Variants in BRSK2 observed in about 807,000 individuals in gnomAD.
The protein encoded by BRSK2 is serine/threonine-protein kinase BRSK2.
In BRSK2, 19 loss-of-function variants were observed where a neutral mutation model predicts 83.3. The ratio of observed to expected loss-of-function variants is 0.23; its 90% CI spans 0.16 to 0.33. The LOEUF (loss-of-function observed/expected upper bound fraction) is 0.33. Among genes scored for constraint, BRSK2 ranks in the 10% least tolerant of loss-of-function variants. The pLI is 1.00. For synonymous variants in BRSK2, 519 were observed against 435.4 expected, an observed-to-expected ratio of 1.19 and a Z score of -2.39; for missense variants, 798 against 1,042.3, an observed-to-expected ratio of 0.77 and a Z score of 3.23.
chr11:1,400,749 G>A (rs548041192), intron 1 of BRSK2, among the ~76,000 whole-genome samples: 78 of 152,338 alleles, frequency 5.1e-4, no homozygotes, highest in African/African-American at 8.9e-4. Flanking sequence ...AGGACCTGCC[G>A]GCTCTGCCTG....
intron 1 of BRSK2, among the ~76,000 whole-genome samples, chr11:1,395,246 G>A (rs1032437361): frequency 2.6e-5 from 4 of 152,158 alleles, no homozygotes; most frequent in Admixed American, 2.6e-4. Flanking sequence ...TACAAGCTGA[G>A]GTCTCAGGAC....
At chr11:1,398,224 A>AG (rs1445479712) in intron 1 of BRSK2, among the ~76,000 whole-genome samples, 1 of 152,110 alleles carries the variant, frequency 6.6e-6, no homozygotes, top group African/African-American at 2.4e-5. Context: ...CTCCATGCTG[A>AG]GGGAAAGCCC....
In BRSK2 at chr11:1,459,111, C is replaced by T. The variant is rs376443341; in HGVS notation, c.1940-81C>T. ...ACTCCTGGCTCCACCCCCTCCCCATCGAGGCTGTGGGCGTCCAGCCAGAAG... is the reference window on the plus strand; with the variant it reads ...ACTCCTGGCTCCACCCCCTCCCCATTGAGGCTGTGGGCGTCCAGCCAGAAG... On this transcript the variant is annotated intron_variant, in intron 18 of 19. Coordinates refer to ENST00000528841, the MANE Select transcript of BRSK2 (RefSeq NM_001256627.2). 1.6e-4 allele frequency: 221 copies of T among 1,402,670 alleles called. 3 individuals are homozygous for T. The East Asian group carries it at 4.1e-3, about 26-fold the overall frequency. The allele number at this position is 1,402,670 out of a possible 1,614,324, so 86.9% of individuals were successfully genotyped here.
At chr11:1,437,149 G>A (rs1470344571) in intron 2 of BRSK2, among the ~76,000 whole-genome samples, 1 of 152,014 alleles carries the variant, frequency 6.6e-6, no homozygotes, top group Non-Finnish European at 1.5e-5. Context: ...GCTGGGGAGA[G>A]TCCCATGCTG....
In BRSK2 at chr11:1,454,230, C is replaced by A. The variant is rs549603424; in HGVS notation, c.1545-255C>A. 1.0e-4 allele frequency: 39 copies of A among 378,416 alleles called. No individual in the cohort carries two copies. Among genetic ancestry groups the A allele is most frequent in the Non-Finnish European group, 1.6e-4 (33 of 201,352 alleles). The allele number at this position is 378,416 out of a possible 1,614,324, so 23.4% of individuals were successfully genotyped here. A position where few individuals can be genotyped will look rare whatever the true frequency, so the allele number is the denominator to read the frequency against. On this transcript the variant is annotated intron_variant, in intron 15 of 19. Transcript: ENST00000528841. This position sits in a 1 kb window ranked among gnomAD's most constrained non-coding sequence, Gnocchi z 5.2. ...ACTTGGGAGTGGGTGGCATATGGGC[C>A]AGGGTCAGGGCGTTAGGGCTTGGAG...
chr11:1,402,539 C>T (rs1846550641), intron 1 of BRSK2, among the ~76,000 whole-genome samples: 1 of 152,312 alleles, frequency 6.6e-6, no homozygotes, highest in Non-Finnish European at 1.5e-5. Context: ...CACCCTTCTC[C>T]AGGGACTTGC....
In BRSK2 at chr11:1,438,283, G is replaced by A. The variant is rs1038119221; in HGVS notation, c.187-23G>A. The A allele has an allele frequency of 6.2e-6, 10 of 1,612,014 alleles. No homozygotes were observed. Among genetic ancestry groups the A allele is most frequent in the East Asian group, 4.5e-5 (2 of 44,866 alleles). ...CGTGCCCCAGCCCTGTGAGCGTGAT[G>A]TTCTCTGGCCTCTCCCATGCAGGTG... On this transcript the variant is annotated intron_variant, in intron 2 of 19. Coordinates refer to ENST00000528841, the MANE Select transcript of BRSK2 (RefSeq NM_001256627.2). The surrounding 1 kb of genome is among the most constrained non-coding windows in gnomAD (Gnocchi z 6.4).
Position 1,456,415 on chromosome 11 carries a change from G to A in BRSK2, c.1736G>A (p.Gly579Glu). Reference sequence around the variant, plus strand: ...CGGGCCGAGTACAAGGCCACGGGGGGGCCAGCCGTGTTCCAGAAGCCGGTC... The same window carrying A: ...CGGGCCGAGTACAAGGCCACGGGGGAGCCAGCCGTGTTCCAGAAGCCGGTC... ...SFRAEYKATG[G>E]PAVFQKPVKF... is the part of the protein sequence containing the mutation. The change falls in exon 17 of 20, where the codon GGG (glycine) becomes GAG (glutamate). Residue 579 changes from glycine (G) to glutamate (E), a missense_variant. Transcript: ENST00000528841. 6.2e-7 allele frequency: 1 copy of A among 1,600,582 alleles called. No individual in the cohort carries two copies. The highest frequency in any genetic ancestry group is 8.5e-7 in the Non-Finnish European group (1 of 1,174,406).
chr11:1,408,357 C>T (rs1050022102), intron 1 of BRSK2, among the ~76,000 whole-genome samples: 5 of 152,216 alleles, frequency 3.3e-5, no homozygotes, highest in African/African-American at 1.2e-4. Flanking sequence ...TCCAGGGTCC[C>T]AGGTCACCAT....
chr11:1,444,243 T>TGG (rs1472495813), intron 8 of BRSK2, among the ~76,000 whole-genome samples: 4 of 152,086 alleles, frequency 2.6e-5, no homozygotes, highest in African/African-American at 9.7e-5. Flanking sequence ...CCAGCAGCTG[T>TGG]GGGGGCTAGC....
chr11:1,446,071 GGCTGGGCTGGGCTGGGCTTA>G (rs1268201394), intron 12 of BRSK2, among the ~76,000 whole-genome samples, 164 bp downstream of exon 12: 55 of 144,172 alleles, frequency 3.8e-4, no homozygotes, highest in Middle Eastern at 6.9e-3. Flanking sequence ...GGCTGGGCTT[GGCTGGGCTGGGCTGGGCTTA>G]GCTGGGCTGG....
chr11:1,404,278 C>G (rs1021139299), intron 1 of BRSK2, among the ~76,000 whole-genome samples: 6 of 152,188 alleles, frequency 3.9e-5, no homozygotes, highest in Non-Finnish European at 8.8e-5. Context: ...GTGTTCCCCT[C>G]CTGTCTCTGG....
In BRSK2 at chr11:1,460,776, C is replaced by T. The variant is rs572502940; in HGVS notation, c.*53C>T. ...CACTGACAGCGGCTGCCTCGCCGCCCGCCGCCCGCCCTGCCCCGAGTGGAC... is the reference window on the plus strand; with the variant it reads ...CACTGACAGCGGCTGCCTCGCCGCCTGCCGCCCGCCCTGCCCCGAGTGGAC... On this transcript the variant is annotated 3_prime_UTR_variant, in exon 20 of 20. Transcript: ENST00000528841. 294 of 1,425,950 alleles carry T rather than the reference C, an allele frequency of 2.1e-4. No individual in the cohort carries two copies. In the East Asian group the frequency reaches 7.8e-3, roughly 38 times the overall value. 88.3% of individuals were successfully genotyped at this position (1,425,950 alleles called of 1,614,324 possible).
intron 12 of BRSK2, chr11:1,447,910 G>A (rs748492089): frequency 9.1e-6 from 14 of 1,539,110 alleles, no homozygotes; most frequent in Middle Eastern, 1.7e-4. Flanking sequence ...CCCCAGACAC[G>A]CTGTCCTGCC....
Position 1,450,599 on chromosome 11 carries a change from C to G in BRSK2, c.1300C>G (p.Pro434Ala), listed in dbSNP as rs1428295154. The G allele has an allele frequency of 2.5e-6, 4 of 1,580,818 alleles. No homozygotes were observed. The African/African-American group carries it at 4.1e-5, about 16-fold the overall frequency. Residue 434 changes from proline (P) to alanine (A), a missense_variant, in exon 14 of 20, where the codon CCC (proline) becomes GCC (alanine). This residue lies in a region of BRSK2 where 455 missense variants were observed against 455.2 expected (regional missense o/e 1.00). Coordinates refer to ENST00000528841, the MANE Select transcript of BRSK2 (RefSeq NM_001256627.2). ...PLSSPRVTPH[P>A]SPRGSPLPTP... Reference sequence around the variant, plus strand: ...CCCCACCATACAGGTGACCCCTCACCCCTCACCAAGGGGCAGTCCCCTCCC... The same window carrying G: ...CCCCACCATACAGGTGACCCCTCACGCCTCACCAAGGGGCAGTCCCCTCCC...
rs398015179 is a variant in BRSK2 at position 1,460,461 on chromosome 11, C to CTTTTTTTTTTTTT, written c.1988-34_1988-22dup. ...CTCTCCCCCTTTTTTTTCTTTTTTC[C>CTTTTTTTTTTTTT]TTTTTTTTTTTTTTTTTGTCTCTGT... On this transcript the variant is annotated intron_variant, in intron 19 of 19. Transcript: ENST00000528841. The CTTTTTTTTTTTTT allele has an allele frequency of 2.0e-5, 11 of 544,460 alleles. 1 individual carries two copies. Among genetic ancestry groups the CTTTTTTTTTTTTT allele is most frequent in the South Asian group, 8.3e-5 (2 of 24,134 alleles). 33.7% of individuals were successfully genotyped at this position (544,460 alleles called of 1,614,324 possible).
At chr11:1,434,239 G>A (rs993966880) in intron 1 of BRSK2, among the ~76,000 whole-genome samples, 7 of 152,226 alleles carry the variant, frequency 4.6e-5, no homozygotes, top group African/African-American at 7.2e-5. Flanking sequence ...TGAGCACAGC[G>A]CGTGCACGGA....
In BRSK2 at chr11:1,443,603, A is replaced by G; in HGVS notation, c.748A>G (p.Met250Val). ...CGACTGCCAGAGTCTGCTACGGGGC[A>G]TGATCGAGGTGGACGCCGCACGCCG... ...PPDCQSLLRGMIEVDAARRLT... is the reference protein window; with the variant it reads ...PPDCQSLLRGVIEVDAARRLT... The change falls in exon 8 of 20, where the codon ATG becomes GTG. Residue 250 changes from methionine to valine, a missense_variant. Met to Val is a conservative substitution (Grantham distance 21). Around this residue, in one of 6 missense-constraint regions of BRSK2, gnomAD observed 145 missense variants for 225.4 expected, o/e 0.64. Transcript: ENST00000528841. 1.2e-6 allele frequency: 2 copies of G among 1,607,492 alleles called. No homozygotes were observed. Among genetic ancestry groups the G allele is most frequent in the Non-Finnish European group, 1.7e-6 (2 of 1,177,048 alleles).
At chr11:1,410,505 C>G in intron 1 of BRSK2, 1 of 985,480 alleles carries the variant, frequency 1.0e-6, no homozygotes, top group Non-Finnish European at 1.2e-6. Context: ...GTGCTGGGCC[C>G]GCAGACTTCG....
Sources: allele counts gnomAD v4.1 joint callset (sites outside exome capture counted in the v4.1 genomes callset), GRCh38; gene constraint gnomAD v4.1.1; regional missense constraint gnomAD v4.1.1; non-coding constraint Gnocchi (gnomAD v3.1); transcripts MANE v1.5; gene names NCBI Gene and HGNC (gene_info 2026-07-23, HGNC 2026-07-21).